Variants in SLC1A6 observed in about 807,000 individuals in gnomAD.
The protein encoded by SLC1A6 is excitatory amino acid transporter 4.
A neutral mutation model predicts 42.1 loss-of-function variants in SLC1A6; 15 were observed. The observed-to-expected ratio is 0.36, with a 90% CI of 0.24 to 0.55. The LOEUF (loss-of-function observed/expected upper bound fraction) is 0.55, where lower values mean the gene tolerates loss of function less well. Among genes scored for constraint, SLC1A6 ranks in the 20% least tolerant of loss-of-function variants. SLC1A6 has a pLI of 0.88. For synonymous variants in SLC1A6, 317 were observed against 319.7 expected, an observed-to-expected ratio of 0.99 and a Z score of 0.09; for missense variants, 542 against 772.5, an observed-to-expected ratio of 0.70 and a Z score of 3.54.
At position 14,972,880 on chromosome 19, in the gene SLC1A6, G is replaced by A. The variant is rs759677453; in HGVS notation, c.31C>T (p.Arg11Trp). MSSHGNSLFL[R>W]ESGQRLGRVG... is the part of the protein sequence containing the mutation. ...CGGCCCAGCCGCTGGCCGCTCTCCC[G>A]CAGGAACAGGCTGTTGCCATGGCTG... The change falls in exon 2 of 10, where the codon CGG becomes TGG. Residue 11 changes from arginine (R) to tryptophan (W), a missense_variant. Physicochemically the swap from Arg to Trp is moderately radical, Grantham distance 101. Transcript: ENST00000594383. 2.9e-5 allele frequency: 46 copies of A among 1,598,962 alleles called. No individual in the cohort carries two copies. The highest frequency in any genetic ancestry group is 6.8e-5 in the East Asian group (3 of 44,350).
At chr19:14,983,698 C>T (rs112151969), upstream of SLC1A6, among the ~76,000 whole-genome samples, 5,291 of 73,526 alleles carry the variant, frequency 0.072, 225 homozygotes, top group African/African-American at 0.16. Flanking sequence ...TAAAAAACAA[C>T]AACAACAAGA....
chr19:14,990,794 A>ACAAAAC (rs200646062), intron 1 of SLC1A6, among the ~76,000 whole-genome samples: 11 of 151,558 alleles, frequency 7.3e-5, no homozygotes, highest in East Asian at 3.9e-4. Flanking sequence ...AACAAAAAAA[A>ACAAAAC]AAAAAAACGA....
chr19:14,958,214 C>A (rs1408502214), intron 6 of SLC1A6, among the ~76,000 whole-genome samples: 1 of 152,008 alleles, frequency 6.6e-6, no homozygotes, highest in African/African-American at 2.4e-5. Context: ...AGTTCGAGAC[C>A]AGCCTGGCCA....
In SLC1A6 at chr19:14,952,776, G is replaced by A. The variant is rs554703878; in HGVS notation, c.1499+152C>T. The A allele has an allele frequency of 3.5e-6, 3 of 864,686 alleles. No individual in the cohort carries two copies. In the Admixed American group the frequency reaches 9.7e-5, roughly 28 times the overall value. 53.6% of individuals were successfully genotyped at this position (864,686 alleles called of 1,614,324 possible). A position where few individuals can be genotyped will look rare whatever the true frequency, so the allele number is the denominator to read the frequency against. Reference sequence around the variant, plus strand: ...TGGGATTTGGGGTCCAGAGGCCATGGATTGGAGGCCTCTCCAAGGCCTCCT... The same window carrying A: ...TGGGATTTGGGGTCCAGAGGCCATGAATTGGAGGCCTCTCCAAGGCCTCCT... On this transcript the variant is annotated intron_variant, in intron 9 of 9. Transcript: ENST00000594383.
chr19:14,954,298 G>A lies in SLC1A6; in HGVS notation c.1201C>T (p.Leu401=). The change falls in exon 8 of 10, where the codon CTG becomes TTG. Residue 401 remains leucine (L), a synonymous_variant. Transcript: ENST00000594383. ...CGGTCCACACCCAGGCCCTCCTCCA[G>A]GCAGCGGAAGGTGATGGGCAGCGTT... ...SATLPITFRC[L]EEGLGVDRRI... 1 of 1,611,352 alleles carries A rather than the reference G, an allele frequency of 6.2e-7. No individual in the cohort carries two copies. The highest frequency in any genetic ancestry group is 8.5e-7 in the Non-Finnish European group (1 of 1,179,998).
chr19:14,958,579 C>T (rs1027930780), intron 6 of SLC1A6, among the ~76,000 whole-genome samples: 1 of 152,096 alleles, frequency 6.6e-6, no homozygotes, highest in Non-Finnish European at 1.5e-5. Flanking sequence ...AGAGTTAGCC[C>T]TGGGGAGTAG....
At chr19:14,969,617 G>C (rs980913651) in intron 3 of SLC1A6, among the ~76,000 whole-genome samples, 7 of 152,188 alleles carry the variant, frequency 4.6e-5, no homozygotes, top group Non-Finnish European at 1.0e-4. Flanking sequence ...TCTCTTGAGA[G>C]CTATCCCGCA....
At chr19:15,010,470 T>G (rs1211019867) in intron 1 of SLC1A6, 7 of 512,126 alleles carry the variant, frequency 1.4e-5, no homozygotes, top group Admixed American at 6.8e-5. Flanking sequence ...AGCCTGGCCC[T>G]TCTTCCATGC....
At position 14,968,391 on chromosome 19, in the gene SLC1A6, GGAT is replaced by G; in HGVS notation, c.457_459del (p.Ile153del). The G allele has an allele frequency of 6.2e-7, 1 of 1,613,820 alleles. No individual in the cohort carries two copies. The highest frequency in any genetic ancestry group is 8.5e-7 in the Non-Finnish European group (1 of 1,179,904). Reference sequence around the variant, plus strand: ...CCCTCCTTGGAGCCCTTCCCGGGATGGATGATGGTGACCATGAGGATGCCGATG... The same window carrying G: ...CCCTCCTTGGAGCCCTTCCCGGGATGGATGGTGACCATGAGGATGCCGATG... On this transcript the variant is annotated inframe_deletion, in exon 4 of 10. Coordinates refer to ENST00000594383, the MANE Select transcript of SLC1A6 (RefSeq NM_005071.3).
chr19:14,979,884 T>G (rs976158267), upstream of SLC1A6: 2 of 150,796 alleles, frequency 1.3e-5, no homozygotes, highest in African/African-American at 2.4e-5. This position sits in a 1 kb window ranked among gnomAD's most constrained non-coding sequence, Gnocchi z 4.2. Context: ...CGGGGGTGAG[T>G]GGCCTCTCCG....
chr19:14,966,178 T>A (rs1056343613), intron 4 of SLC1A6, among the ~76,000 whole-genome samples: 3 of 152,152 alleles, frequency 2.0e-5, no homozygotes, highest in African/African-American at 7.2e-5. Context: ...CCCCAAAAGC[T>A]ATTGAAATTA....
At chr19:15,002,964 A>ATGTTGTTGTTGTTGT (rs140957015) in intron 1 of SLC1A6, among the ~76,000 whole-genome samples, 7 of 150,814 alleles carry the variant, frequency 4.6e-5, no homozygotes, top group East Asian at 1.9e-4. Context: ...TTTTTGTGGG[A>ATGTTGTTGTTGTTGT]TGTTGTTGTT....
At position 14,972,884 on chromosome 19, in the gene SLC1A6, G is replaced by A. The variant is rs758587437; in HGVS notation, c.27C>T (p.Phe9=). The A allele has an allele frequency of 3.1e-6, 5 of 1,595,168 alleles. No homozygotes were observed. The highest frequency in any genetic ancestry group is 4.3e-6 in the Non-Finnish European group (5 of 1,171,600). MSSHGNSL[F]LRESGQRLGR... Reference sequence around the variant, plus strand: ...CCAGCCGCTGGCCGCTCTCCCGCAGGAACAGGCTGTTGCCATGGCTGCTCA... The same window carrying A: ...CCAGCCGCTGGCCGCTCTCCCGCAGAAACAGGCTGTTGCCATGGCTGCTCA... The change falls in exon 2 of 10, where the codon TTC becomes TTT. Residue 9 remains phenylalanine, a synonymous_variant. Coordinates refer to ENST00000594383, the MANE Select transcript of SLC1A6 (RefSeq NM_005071.3).
At chr19:14,972,013 C>T (rs145160740) in intron 2 of SLC1A6, 139 bp from the exon 3 acceptor site, 4 of 732,138 alleles carry the variant, frequency 5.5e-6, no homozygotes, top group African/African-American at 3.6e-5. Context: ...TTTGTGTGTG[C>T]ACTGATGTGT....
chr19:14,963,210 A>G (rs1423112021), intron 5 of SLC1A6, among the ~76,000 whole-genome samples: 1 of 152,232 alleles, frequency 6.6e-6, no homozygotes, highest in Non-Finnish European at 1.5e-5. Flanking sequence ...GCACAGAAAG[A>G]CAAATATTGC....
intron 1 of SLC1A6, among the ~76,000 whole-genome samples, chr19:14,996,561 G>GTTCTTC (rs1555710441): frequency 1.4e-4 from 20 of 140,176 alleles, no homozygotes; most frequent in Non-Finnish European, 2.3e-4. Context: ...TCTTCTTCTT[G>GTTCTTC]TTCTTCTTCC....
intron 1 of SLC1A6, chr19:15,010,348 C>A: frequency 3.1e-6 from 1 of 326,922 alleles, no homozygotes; most frequent in South Asian, 2.3e-5. Flanking sequence ...AGTATTCTAC[C>A]TGTGGGAACA....
intron 1 of SLC1A6, among the ~76,000 whole-genome samples, chr19:14,999,727 G>A (rs1050610642): frequency 1.3e-5 from 2 of 152,168 alleles, no homozygotes; most frequent in African/African-American, 2.4e-5. Flanking sequence ...TTACTCTACC[G>A]TGGGGCAAAG....
intron 1 of SLC1A6, among the ~76,000 whole-genome samples, chr19:14,976,004 A>G (rs1222107720): frequency 1.3e-5 from 2 of 152,162 alleles, no homozygotes; most frequent in Non-Finnish European, 2.9e-5. Flanking sequence ...TCTCATAACC[A>G]AGAAAGGGTG....
Sources: allele counts gnomAD v4.1 joint callset (sites outside exome capture counted in the v4.1 genomes callset), GRCh38; gene constraint gnomAD v4.1.1; non-coding constraint Gnocchi (gnomAD v3.1); transcripts MANE v1.5; gene names NCBI Gene and HGNC (gene_info 2026-07-23, HGNC 2026-07-21).